RALGAPA1: variants seen among roughly 807,000 people sequenced by gnomAD.
RALGAPA1 encodes Ral GTPase activating protein catalytic subunit alpha 1.
RALGAPA1 carries 52 observed loss-of-function variants against 269.6 expected under a neutral mutation model. That is an observed-to-expected ratio of 0.19 (90% CI 0.15 to 0.24). The LOEUF (loss-of-function observed/expected upper bound fraction) is 0.24, where lower values mean the gene tolerates loss of function less well. Among genes scored for constraint, RALGAPA1 ranks in the 10% least tolerant of loss-of-function variants. The pLI is 1.00. For missense variants in RALGAPA1, 1,917 were observed against 3,013.9 expected, an observed-to-expected ratio of 0.64 and a Z score of 8.52; for synonymous variants, 817 against 1,008.3, an observed-to-expected ratio of 0.81 and a Z score of 3.60.
intron 37 of RALGAPA1, among the ~76,000 whole-genome samples, chr14:35,595,098 AC>A (rs1347834803): frequency 6.6e-6 from 1 of 151,918 alleles, no homozygotes; most frequent in African/African-American, 2.4e-5. Flanking sequence ...AAAAAAAAAA[AC>A]AAAGGAGAAA....
At chr14:35,771,246 T>A (rs2074591208) in intron 3 of RALGAPA1, among the ~76,000 whole-genome samples, 1 of 151,858 alleles carries the variant, frequency 6.6e-6, no homozygotes, top group Non-Finnish European at 1.5e-5. Context: ...ATACAAAAAT[T>A]AGCCAAGTGT....
intron 35 of RALGAPA1, 150 bp from the exon 36 acceptor site, chr14:35,605,859 G>T: frequency 1.1e-6 from 1 of 900,614 alleles, no homozygotes; most frequent in Non-Finnish European, 1.5e-6. Context: ...TAAATGCAAT[G>T]TAAGTAAAAA....
At chr14:35,779,869 A>G (rs2075313655) in intron 1 of RALGAPA1, among the ~76,000 whole-genome samples, 2 of 152,192 alleles carry the variant, frequency 1.3e-5, no homozygotes, top group African/African-American at 4.8e-5. Context: ...CACGCCTATA[A>G]TCCCAGCACT....
rs200361815 is a variant in RALGAPA1, at chr14:35,802,663, GT to G, written c.106+6066del. 3.5e-3 allele frequency among the ~76,000 whole-genome samples: 475 copies of G among 134,400 alleles called. 5 individuals are homozygous for G. The highest frequency in any genetic ancestry group is 7.6e-3 in the Middle Eastern group (2 of 264). The allele number at this position is 134,400 out of a possible 152,430, so 88.2% of individuals were successfully genotyped here. A position where few individuals can be genotyped will look rare whatever the true frequency, so the allele number is the denominator to read the frequency against. On this transcript the variant is annotated intron_variant, in intron 1 of 41. Coordinates refer to ENST00000680220, the MANE Select transcript of RALGAPA1 (RefSeq NM_001346249.2). ...CCAATAGGTTTTTTGGTGGTGGTGG[GT>G]TTTTTTTTTTTTTAAGAAACTGACC... is the stretch of plus-strand genomic sequence containing the variant.
chr14:35,697,490 C>T (rs564124134), intron 17 of RALGAPA1, among the ~76,000 whole-genome samples: 8 of 151,930 alleles, frequency 5.3e-5, no homozygotes, highest in East Asian at 3.9e-4. Flanking sequence ...GGACTACAGG[C>T]GCCTGCCACC....
chr14:35,581,236 A>G (rs1433195291), intron 37 of RALGAPA1, among the ~76,000 whole-genome samples: 1 of 152,206 alleles, frequency 6.6e-6, no homozygotes, highest in African/African-American at 2.4e-5. Flanking sequence ...CCTGCTACTT[A>G]GAAAAATCTT....
chr14:35,607,050 T>C, intron 35 of RALGAPA1, among the ~76,000 whole-genome samples: 1 of 152,070 alleles, frequency 6.6e-6, no homozygotes, highest in East Asian at 1.9e-4. Context: ...AGAATAAGGG[T>C]CTACACAGCC....
At position 35,678,464 on chromosome 14, in the gene RALGAPA1, C is replaced by T. The variant is rs115469440; in HGVS notation, c.4472-362G>A. On this transcript the variant is annotated intron_variant, in intron 21 of 41. Coordinates refer to ENST00000680220, the MANE Select transcript of RALGAPA1 (RefSeq NM_001346249.2). ...TTGGGGCAATTTAAGAACTGAGGCA[C>T]TTGCTCACTGCTGCTCTATATGCAA... 2.3e-3 allele frequency among the ~76,000 whole-genome samples: 354 copies of T among 152,292 alleles called. 1 individual carries two copies. The highest frequency in any genetic ancestry group is 8.1e-3 in the African/African-American group (337 of 41,576).
chr14:35,566,513 C>T (rs561026972), intron 39 of RALGAPA1, among the ~76,000 whole-genome samples: 1 of 152,108 alleles, frequency 6.6e-6, no homozygotes, highest in South Asian at 2.1e-4. Flanking sequence ...TTTTTTATCC[C>T]TTCATTTCTT....
intron 39 of RALGAPA1, among the ~76,000 whole-genome samples, chr14:35,559,565 C>T (rs985422225): frequency 5.3e-5 from 8 of 152,082 alleles, no homozygotes; most frequent in South Asian, 2.1e-4. Flanking sequence ...CTTCAAGTTT[C>T]GTTGTTTTTA....
At chr14:35,563,511 G>C (rs950895315) in intron 39 of RALGAPA1, among the ~76,000 whole-genome samples, 1 of 152,124 alleles carries the variant, frequency 6.6e-6, no homozygotes, top group Non-Finnish European at 1.5e-5. Flanking sequence ...CAAAACTGCA[G>C]TGAGAAACAT....
At position 35,610,706 on chromosome 14, in the gene RALGAPA1, CAT is replaced by C. The variant is rs1157115737; in HGVS notation, c.6930-4999_6930-4998del. ...AAGAAGCAAAAATATCTGACTTGCACATGAGGTGACTTTTTATATAGAAAATC... is the reference window on the plus strand; with the variant it reads ...AAGAAGCAAAAATATCTGACTTGCACGAGGTGACTTTTTATATAGAAAATC... On this transcript the variant is annotated intron_variant, in intron 35 of 41. Transcript: ENST00000680220. Among the ~76,000 whole-genome samples, 7 of 152,206 alleles carry C rather than the reference CAT, an allele frequency of 4.6e-5. No individual in the cohort carries two copies. In the East Asian group the frequency reaches 1.4e-3, roughly 29 times the overall value.
intron 31 of RALGAPA1, 33 bp from the exon 32 acceptor site, chr14:35,635,631 A>C: frequency 2.0e-6 from 3 of 1,489,224 alleles, no homozygotes; most frequent in Non-Finnish European, 2.7e-6. Context: ...ATAATTGTAC[A>C]TTCATAAAAT....
rs557711008 is a variant in RALGAPA1 at position 35,634,834 on chromosome 14, C to A, written c.5812-77G>T. 3 of 1,298,036 alleles carry A rather than the reference C, an allele frequency of 2.3e-6. No individual in the cohort carries two copies. In the South Asian group the frequency reaches 5.3e-5, roughly 23 times the overall value. 80.4% of individuals were successfully genotyped at this position (1,298,036 alleles called of 1,614,324 possible). ...ATAAAAGTTAAAGGAGGATAAAAAT[C>A]AACTGGTAACACAAGAGCCTGGCAA... On this transcript the variant is annotated intron_variant, in intron 32 of 41. Coordinates refer to ENST00000680220, the MANE Select transcript of RALGAPA1 (RefSeq NM_001346249.2).
At chr14:35,584,027 T>C (rs916850401) in intron 37 of RALGAPA1, among the ~76,000 whole-genome samples, 2 of 152,156 alleles carry the variant, frequency 1.3e-5, no homozygotes, top group African/African-American at 4.8e-5. Flanking sequence ...AGGAAGAGTA[T>C]GCAGAATGAA....
intron 16 of RALGAPA1, among the ~76,000 whole-genome samples, chr14:35,701,694 T>C (rs2067364728): frequency 6.6e-6 from 1 of 151,890 alleles, no homozygotes; most frequent in South Asian, 2.1e-4. Context: ...CAGGCGGGAG[T>C]ACAGTGGCAT....
intron 13 of RALGAPA1, among the ~76,000 whole-genome samples, chr14:35,726,131 C>G (rs559689918): frequency 8.5e-5 from 13 of 152,282 alleles, no homozygotes; most frequent in African/African-American, 3.1e-4. Context: ...ATACGTGGAA[C>G]AGTCACTGTG....
At chr14:35,701,432 T>C (rs141902408) in intron 16 of RALGAPA1, among the ~76,000 whole-genome samples, 5 of 152,310 alleles carry the variant, frequency 3.3e-5, no homozygotes, top group Non-Finnish European at 7.4e-5. Context: ...ACAAGGCCTT[T>C]ACGACTTGCC....
rs117454909 is a variant in RALGAPA1, at chr14:35,771,013, T to A, written c.268-14A>T. The stretch of plus-strand genomic sequence containing the variant: ...TTGTAAAATTTTCTAAAAATCAATA[T>A]AAAGAGAAAAAAAGAAAAGAATAAA... On this transcript the variant is annotated splice_polypyrimidine_tract_variant and intron_variant, in intron 3 of 41. Coordinates refer to ENST00000680220, the MANE Select transcript of RALGAPA1 (RefSeq NM_001346249.2). The A allele has an allele frequency of 8.4e-7, 1 of 1,195,646 alleles. No individual in the cohort carries two copies. The highest frequency in any genetic ancestry group is 1.2e-6 in the Non-Finnish European group (1 of 843,032). The allele number at this position is 1,195,646 out of a possible 1,614,324, so 74.1% of individuals were successfully genotyped here.
Sources: allele counts gnomAD v4.1 joint callset (sites outside exome capture counted in the v4.1 genomes callset), GRCh38; gene constraint gnomAD v4.1.1; transcripts MANE v1.5; gene names NCBI Gene and HGNC (gene_info 2026-07-23, HGNC 2026-07-21).